Variants in ABCB4 observed in about 807,000 individuals in gnomAD.
ABCB4 encodes the protein phosphatidylcholine translocator ABCB4.
Under a neutral mutation model 145.7 loss-of-function variants are expected in ABCB4, and 76 were observed. The observed-to-expected ratio is 0.52, with a 90% CI of 0.43 to 0.63. The LOEUF is 0.63. Ranked by LOEUF, ABCB4 falls within the 30% of genes least tolerant of loss-of-function variation. The pLI is 0.00. For synonymous variants in ABCB4, 517 were observed against 566.8 expected (o/e 0.91, Z 1.25); for missense variants, 1,234 against 1,553.1 (o/e 0.79, Z 3.45).
At chr7:87,381,063 G>C in the ABCB4 span, among the ~76,000 whole-genome samples, 2 of 152,278 alleles carry the variant, frequency 1.3e-5, no homozygotes, top group African/African-American at 4.8e-5. Context: ...CAGAGCTATA[G>C]TGTTAGGGTG....
intron 14 of ABCB4, among the ~76,000 whole-genome samples, chr7:87,439,040 T>G (rs1810798206): frequency 6.6e-6 from 1 of 152,202 alleles, no homozygotes; most frequent in Non-Finnish European, 1.5e-5. Context: ...ATTTACATTG[T>G]GTTGTTAATA....
chr7:87,426,320 A>C (rs1809803376), intron 16 of ABCB4, among the ~76,000 whole-genome samples: 1 of 152,164 alleles, frequency 6.6e-6, no homozygotes, highest in South Asian at 2.1e-4. Flanking sequence ...CACCTCTAAG[A>C]TTTTGGCATG....
At chr7:87,381,751 T>C in the ABCB4 span, among the ~76,000 whole-genome samples, 4,070 of 152,250 alleles carry the variant, frequency 0.027, 177 homozygotes, top group African/African-American at 0.093. Context: ...TACTGAACTG[T>C]AGGGAATCTT....
intron 5 of ABCB4, among the ~76,000 whole-genome samples, chr7:87,453,406 A>C (rs1297180753): frequency 6.6e-6 from 1 of 151,872 alleles, no homozygotes; most frequent in Non-Finnish European, 1.5e-5. Flanking sequence ...CTGGTCTCGA[A>C]CTCCTGACCT....
At chr7:87,379,327 C>G in the ABCB4 span, among the ~76,000 whole-genome samples, 2 of 152,170 alleles carry the variant, frequency 1.3e-5, no homozygotes, top group Non-Finnish European at 2.9e-5. Context: ...ATGTAACTTG[C>G]AGCTATACTT....
the ABCB4 span, among the ~76,000 whole-genome samples, chr7:87,374,115 A>T: frequency 9.2e-5 from 14 of 152,100 alleles, no homozygotes; most frequent in Admixed American, 7.2e-4. Context: ...TATTTAAAAA[A>T]ATATATGATT....
intron 4 of ABCB4, among the ~76,000 whole-genome samples, chr7:87,462,059 A>C (rs1385084855): frequency 1.3e-5 from 2 of 152,250 alleles, no homozygotes; most frequent in Non-Finnish European, 2.9e-5. Context: ...GGTAGAAAGC[A>C]TGAAAATTTT....
chr7:87,420,133 AC>A, intron 18 of ABCB4, 58 bp from the exon 19 acceptor site: 1 of 1,512,332 alleles, frequency 6.6e-7, no homozygotes, highest in East Asian at 2.3e-5. Flanking sequence ...ATTGCACCAG[AC>A]CAATCATGTT....
rs1265968550 is a variant in ABCB4 at position 87,422,225 on chromosome 7, T to C, written c.2212A>G (p.Ile738Val). 85 of 1,611,128 alleles carry C rather than the reference T, an allele frequency of 5.3e-5. No homozygotes were observed. Among genetic ancestry groups the C allele is most frequent in the Non-Finnish European group, 5.9e-5 (70 of 1,177,678 alleles). Residue 738 changes from isoleucine to valine, a missense_variant and splice_region_variant, in exon 18 of 28, where the codon ATT (isoleucine) becomes GTT (valine). Transcript: ENST00000649586. ...ACTGCATCATCGCCTGGTCCAAAAA[T>C]CTACAAAAGAATATTTAAAACGCCC... ...FSVIFSEIIAIFGPGDDAVKQ... is the reference protein window; with the variant it reads ...FSVIFSEIIAVFGPGDDAVKQ...
chr7:87,417,537 G>A, intron 20 of ABCB4, 22 bp from the exon 21 acceptor site: 1 of 1,608,596 alleles, frequency 6.2e-7, no homozygotes, highest in South Asian at 1.1e-5. Context: ...AAAGCACAAA[G>A]CAACTGTAGT....
At chr7:87,386,310 A>G in the ABCB4 span, among the ~76,000 whole-genome samples, 1 of 152,136 alleles carries the variant, frequency 6.6e-6, no homozygotes, top group Non-Finnish European at 1.5e-5. Flanking sequence ...CTTTTGCTTA[A>G]TGGGAGACTT....
intron 27 of ABCB4, 85 bp downstream of exon 27, chr7:87,403,050 T>G: frequency 7.1e-7 from 1 of 1,398,986 alleles, no homozygotes; most frequent in Non-Finnish European, 1.0e-6. Context: ...CCCCCTGTGC[T>G]TGTGTGTGTT....
intron 4 of ABCB4, among the ~76,000 whole-genome samples, chr7:87,457,499 C>T (rs543048609): frequency 1.3e-5 from 2 of 152,326 alleles, no homozygotes; most frequent in African/African-American, 4.8e-5. Context: ...TAGTAAGGAA[C>T]TGGGGAACTC....
the ABCB4 span, chr7:87,381,827 TG>T: frequency 1.1e-6 from 1 of 895,964 alleles, no homozygotes. Context: ...CTGTTAAGAA[TG>T]GACACAAAGT....
intron 25 of ABCB4, 38 bp from the exon 26 acceptor site, chr7:87,406,532 A>C: frequency 6.2e-7 from 1 of 1,608,972 alleles, no homozygotes; most frequent in Non-Finnish European, 8.5e-7. Context: ...GAAGGGTATA[A>C]AAAAGAAAAA....
intron 14 of ABCB4, among the ~76,000 whole-genome samples, chr7:87,435,733 A>G (rs1258692313): frequency 6.6e-6 from 1 of 152,240 alleles, no homozygotes; most frequent in Non-Finnish European, 1.5e-5. Flanking sequence ...TGTGGGCAAT[A>G]AAAGTTGTAT....
chr7:87,460,208 T>C (rs17149660), intron 4 of ABCB4, among the ~76,000 whole-genome samples: 34,890 of 152,108 alleles, frequency 0.23, 5,339 homozygotes, highest in African/African-American at 0.44. Flanking sequence ...AGGAAATGTC[T>C]TGCTAAAATA....
intron 4 of ABCB4, among the ~76,000 whole-genome samples, chr7:87,458,987 T>TTAAAAA (rs755312872): frequency 8.3e-6 from 1 of 120,690 alleles, no homozygotes; most frequent in African/African-American, 3.0e-5. Context: ...AGGCACAAGT[T>TTAAAAA]AAAAAAAAAA....
the ABCB4 span, chr7:87,382,414 C>A: frequency 6.2e-7 from 1 of 1,610,054 alleles, no homozygotes; most frequent in Non-Finnish European, 8.5e-7. Flanking sequence ...TCTTGTTAGG[C>A]ATCTGATCTA....
Sources: allele counts gnomAD v4.1 joint callset (sites outside exome capture counted in the v4.1 genomes callset), GRCh38; gene constraint gnomAD v4.1.1; transcripts MANE v1.5; gene names NCBI Gene and HGNC (gene_info 2026-07-23, HGNC 2026-07-21).